The following PVT1 variants were observed in gnomAD, a reference collection of about 807,000 sequenced individuals.
PVT1 encodes Pvt1 oncogene.
chr8:127,905,684 T>G (rs1211884319), intron 3 of PVT1, among the ~76,000 whole-genome samples: 1 of 152,226 alleles, frequency 6.6e-6, no homozygotes, highest in Non-Finnish European at 1.5e-5. Context: ...TACATGACTT[T>G]CACCTCATTT....
chr8:127,813,603 C>G (rs1814625888), intron 2 of PVT1, among the ~76,000 whole-genome samples: 1 of 152,190 alleles, frequency 6.6e-6, no homozygotes, highest in African/African-American at 2.4e-5. Context: ...GAACCTCAGC[C>G]CTGCTGCCAA....
chr8:127,931,584 CAGCAGCTT>C (rs1816206869), intron 3 of PVT1, among the ~76,000 whole-genome samples: 1 of 152,248 alleles, frequency 6.6e-6, no homozygotes, highest in Non-Finnish European at 1.5e-5. Flanking sequence ...CAGAGCAGCT[CAGCAGCTT>C]GCCCAGATCA....
chr8:128,056,919 T>G (rs1176630006), intron 4 of PVT1, among the ~76,000 whole-genome samples: 1 of 152,214 alleles, frequency 6.6e-6, no homozygotes, highest in East Asian at 1.9e-4. Flanking sequence ...CCAGAAAAAT[T>G]GAATGCATTC....
chr8:128,034,781 G>A (rs144867245), intron 4 of PVT1, among the ~76,000 whole-genome samples: 238 of 152,248 alleles, frequency 1.6e-3, no homozygotes, highest in African/African-American at 5.4e-3. Flanking sequence ...AATGTGTGCC[G>A]AAGCTGAAAG....
chr8:128,027,636 C>T (rs1039567944), intron 4 of PVT1, among the ~76,000 whole-genome samples: 3 of 152,194 alleles, frequency 2.0e-5, no homozygotes, highest in Admixed American at 2.0e-4. Context: ...TCTCTTCATC[C>T]TGAAGAGACC....
At chr8:127,817,896 G>A (rs1246299950) in intron 2 of PVT1, among the ~76,000 whole-genome samples, 2 of 152,148 alleles carry the variant, frequency 1.3e-5, no homozygotes, top group East Asian at 3.9e-4. Context: ...TCCGGCATGT[G>A]TAGAGATTAA....
At chr8:127,838,974 G>A (rs1814941943) in intron 2 of PVT1, among the ~76,000 whole-genome samples, 1 of 152,134 alleles carries the variant, frequency 6.6e-6, no homozygotes, top group East Asian at 1.9e-4. Context: ...ATTGTATTAA[G>A]TTGACTCCGA....
At chr8:127,830,781 C>G (rs898008422) in intron 2 of PVT1, among the ~76,000 whole-genome samples, 3 of 151,992 alleles carry the variant, frequency 2.0e-5, no homozygotes, top group Non-Finnish European at 2.9e-5. Context: ...CAGACCCACC[C>G]TTAAGCTGGT....
In PVT1 at chr8:127,881,752, C is replaced by T. The variant is rs186708963; in HGVS notation, n.373-8837C>T. On this transcript the variant is annotated intron_variant and non_coding_transcript_variant, in intron 2 of 10. Coordinates refer to ENST00000651587, the Ensembl canonical transcript of PVT1. ...GATCACAGGTGTGAGCCACCACACCCGGCCTATTATTATTATTTTTTGAGA... is the reference window on the plus strand; with the variant it reads ...GATCACAGGTGTGAGCCACCACACCTGGCCTATTATTATTATTTTTTGAGA... Among the ~76,000 whole-genome samples, 16 of 151,986 alleles carry T rather than the reference C, an allele frequency of 1.1e-4. No individual in the cohort carries two copies. The East Asian group carries it at 2.1e-3, about 20-fold the overall frequency.
intron 3 of PVT1, among the ~76,000 whole-genome samples, chr8:127,903,365 C>G (rs1250182969): frequency 6.6e-6 from 1 of 152,158 alleles, no homozygotes; most frequent in Non-Finnish European, 1.5e-5. Context: ...TGAATATTTT[C>G]TCCCATTCTG....
chr8:128,093,363 G>A (rs1814384622), intron 5 of PVT1, among the ~76,000 whole-genome samples: 2 of 152,208 alleles, frequency 1.3e-5, no homozygotes, highest in South Asian at 4.2e-4. Flanking sequence ...TTCGAGACCA[G>A]CCTGGCAAAC....
chr8:128,034,247 A>G (rs1813433638), intron 4 of PVT1, among the ~76,000 whole-genome samples: 1 of 149,626 alleles, frequency 6.7e-6, no homozygotes, highest in Non-Finnish European at 1.5e-5. Context: ...AAATCCAGGG[A>G]TGTATTTATT....
chr8:127,928,569 C>T lies in PVT1; in HGVS notation n.782+37571C>T, dbSNP rs73707139. Among the ~76,000 whole-genome samples, 475 of 152,330 alleles carry T rather than the reference C, an allele frequency of 3.1e-3. 2 individuals carry two copies. The highest frequency in any genetic ancestry group is 0.011 in the African/African-American group (440 of 41,562). On this transcript the variant is annotated intron_variant and non_coding_transcript_variant, in intron 3 of 10. Coordinates refer to ENST00000651587, the Ensembl canonical transcript of PVT1. ...GAAAATTGGGACCTAAGCTCGATTCCGAGATTTAATCATGGCAGAGGAGTT... is the reference window on the plus strand; with the variant it reads ...GAAAATTGGGACCTAAGCTCGATTCTGAGATTTAATCATGGCAGAGGAGTT...
At chr8:127,817,260 G>A (rs1814671767) in intron 2 of PVT1, among the ~76,000 whole-genome samples, 1 of 151,122 alleles carries the variant, frequency 6.6e-6, no homozygotes, top group Admixed American at 6.6e-5. Context: ...AGACCTGCTG[G>A]GCCTTTGCCT....
At chr8:127,946,025 G>A (rs550202851) in intron 3 of PVT1, among the ~76,000 whole-genome samples, 2 of 152,332 alleles carry the variant, frequency 1.3e-5, no homozygotes, top group African/African-American at 2.4e-5. Flanking sequence ...GAATGTGTAC[G>A]AAGGGGTTTA....
At chr8:127,872,151 A>T (rs1361020721) in intron 2 of PVT1, among the ~76,000 whole-genome samples, 3 of 152,070 alleles carry the variant, frequency 2.0e-5, no homozygotes, top group South Asian at 4.1e-4. Flanking sequence ...GTGGTGGCTC[A>T]TGCCTGTAAT....
chr8:127,812,611 A>C (rs1049312263), intron 2 of PVT1, among the ~76,000 whole-genome samples: 32 of 148,426 alleles, frequency 2.2e-4, no homozygotes, highest in African/African-American at 5.9e-4. Context: ...AAGAAAAAAA[A>C]GAAGGAAAGG....
intron 3 of PVT1, among the ~76,000 whole-genome samples, chr8:127,928,429 C>T (rs1563641988): frequency 6.6e-6 from 1 of 152,178 alleles, no homozygotes; most frequent in Non-Finnish European, 1.5e-5. Context: ...TGCCGTGGTC[C>T]CTATACCTAT....
chr8:127,831,155 C>CTCTCTA lies in PVT1; in HGVS notation n.372+35085_372+35086insCTCTAT, dbSNP rs112006915. On this transcript the variant is annotated intron_variant and non_coding_transcript_variant, in intron 2 of 10. Coordinates refer to ENST00000651587, the Ensembl canonical transcript of PVT1. ...TCTATATCTATCTCTCTCTCTCTCT[C>CTCTCTA]TATATATATATATATCTCCTATTAG... is the stretch of plus-strand genomic sequence containing the variant. 4.0e-5 allele frequency among the ~76,000 whole-genome samples: 6 copies of CTCTCTA among 148,168 alleles called. No individual in the cohort carries two copies. In the South Asian group the frequency reaches 8.6e-4, roughly 21 times the overall value.
Sources: allele counts gnomAD v4.1 joint callset (sites outside exome capture counted in the v4.1 genomes callset), GRCh38; gene constraint gnomAD v4.1.1; transcripts MANE v1.5; gene names NCBI Gene and HGNC (gene_info 2026-07-23, HGNC 2026-07-21).